PTPRG: variants seen among roughly 807,000 people sequenced by gnomAD.
PTPRG encodes the protein protein tyrosine phosphatase receptor type G.
A neutral mutation model predicts 165.3 loss-of-function variants in PTPRG; 102 were observed. That is an observed-to-expected ratio of 0.62 (90% CI 0.53 to 0.73). PTPRG has a LOEUF of 0.73. PTPRG is among the 30% of genes least tolerant of loss of function. The pLI is 0.00. For missense variants in PTPRG, 1,866 were observed against 1,861.4 expected (o/e 1.00, Z -0.05); for synonymous variants, 675 against 669.5 (o/e 1.01, Z -0.13).
chr3:61,738,821 C>G (rs1053286570), intron 1 of PTPRG, among the ~76,000 whole-genome samples: 2 of 152,102 alleles, frequency 1.3e-5, no homozygotes, highest in African/African-American at 4.8e-5. Context: ...GTTGCCCAGG[C>G]TGGAGTGCAG....
chr3:61,945,108 G>A lies in PTPRG; in HGVS notation c.191-44517G>A, dbSNP rs376046347. 2.4e-4 allele frequency among the ~76,000 whole-genome samples: 37 copies of A among 152,302 alleles called. No individual in the cohort carries two copies. In the South Asian group the frequency reaches 4.8e-3, roughly 20 times the overall value. ...CAGTGGACAGAACAGGGGCAGAGGTGATCAGTGACCATTGCACAGAATATC... is the reference window on the plus strand; with the variant it reads ...CAGTGGACAGAACAGGGGCAGAGGTAATCAGTGACCATTGCACAGAATATC... On this transcript the variant is annotated intron_variant, in intron 2 of 29. Coordinates refer to ENST00000474889, the MANE Select transcript of PTPRG (RefSeq NM_002841.4).
intron 5 of PTPRG, among the ~76,000 whole-genome samples, chr3:62,128,194 A>C (rs1397041833): frequency 6.6e-6 from 1 of 152,150 alleles, no homozygotes; most frequent in Non-Finnish European, 1.5e-5. Context: ...CCAGGAGCGA[A>C]GTTTTGCAAT....
intron 1 of PTPRG, among the ~76,000 whole-genome samples, chr3:61,579,809 A>G (rs1317324626): frequency 2.0e-5 from 3 of 152,160 alleles, no homozygotes; most frequent in African/African-American, 7.2e-5. Flanking sequence ...TGATATCTTC[A>G]TTTTCTGGCA....
intron 1 of PTPRG, among the ~76,000 whole-genome samples, chr3:61,689,714 A>G (rs1477976708): frequency 6.6e-6 from 1 of 152,170 alleles, no homozygotes; most frequent in Non-Finnish European, 1.5e-5. Flanking sequence ...TCTAGTCTTT[A>G]TATTTATTGG....
chr3:61,670,944 G>A (rs1028121438), intron 1 of PTPRG, among the ~76,000 whole-genome samples: 7 of 152,056 alleles, frequency 4.6e-5, no homozygotes, highest in African/African-American at 7.2e-5. Flanking sequence ...CTGCGAAGCC[G>A]GAGCGATCAG....
intron 2 of PTPRG, among the ~76,000 whole-genome samples, chr3:61,840,782 GTTT>G (rs149041037): frequency 0.018 from 2,159 of 120,090 alleles, 62 homozygotes; most frequent in African/African-American, 0.063. Context: ...TTGTTTGTTT[GTTT>G]TTTTTTTTTT....
intron 5 of PTPRG, among the ~76,000 whole-genome samples, chr3:62,085,809 A>G (rs777073830): frequency 7.2e-5 from 11 of 152,122 alleles, no homozygotes; most frequent in Non-Finnish European, 1.3e-4. Context: ...CACTCTGCAT[A>G]TTTCTTAAGC....
intron 1 of PTPRG, among the ~76,000 whole-genome samples, chr3:61,578,149 T>C (rs1700207470): frequency 6.6e-6 from 1 of 152,228 alleles, no homozygotes; most frequent in Non-Finnish European, 1.5e-5. Flanking sequence ...CTGTTGGTGC[T>C]ACATCGTGGG....
At chr3:62,201,578 T>A in intron 11 of PTPRG, 24 bp downstream of exon 11, 5 of 1,606,870 alleles carry the variant, frequency 3.1e-6, no homozygotes, top group Non-Finnish European at 8.5e-7. Context: ...GGGAAATTGC[T>A]TTGTCGTGGC....
At chr3:61,947,406 C>T (rs184546803) in intron 2 of PTPRG, among the ~76,000 whole-genome samples, 10 of 152,140 alleles carry the variant, frequency 6.6e-5, no homozygotes, top group South Asian at 2.1e-4. Flanking sequence ...TGGTTCTGAC[C>T]GGTGCCAGGG....
chr3:61,973,149 T>C (rs1318456768), intron 2 of PTPRG, among the ~76,000 whole-genome samples: 2 of 152,232 alleles, frequency 1.3e-5, no homozygotes, highest in African/African-American at 4.8e-5. Flanking sequence ...GATTACAGCA[T>C]GCTTCATCCT....
At chr3:61,608,926 A>C (rs1036067441) in intron 1 of PTPRG, among the ~76,000 whole-genome samples, 5 of 152,178 alleles carry the variant, frequency 3.3e-5, no homozygotes, top group South Asian at 2.1e-4. Context: ...GTCTGGGCTC[A>C]GTGGGGAAGA....
chr3:62,119,787 ATTTTTTTTTTT>A (rs34842750), intron 5 of PTPRG, among the ~76,000 whole-genome samples: 7 of 111,732 alleles, frequency 6.3e-5, no homozygotes, highest in African/African-American at 1.4e-4. Context: ...CGCCTGGCTA[ATTTTTTTTTTT>A]TTTTTTTTTT....
chr3:61,567,070 C>G (rs1015697941), intron 1 of PTPRG, among the ~76,000 whole-genome samples: 2 of 152,122 alleles, frequency 1.3e-5, no homozygotes, highest in African/African-American at 4.8e-5. Flanking sequence ...GAAATTAGCC[C>G]TTGGTTTGCT....
intron 4 of PTPRG, among the ~76,000 whole-genome samples, chr3:62,033,360 CATT>C (rs1462487227): frequency 7.9e-6 from 1 of 126,452 alleles, no homozygotes; most frequent in African/African-American, 3.3e-5. Context: ...GCTCCCTATA[CATT>C]TTTTTTTTTT....
chr3:61,870,965 C>G (rs2037553839), intron 2 of PTPRG, among the ~76,000 whole-genome samples: 1 of 152,002 alleles, frequency 6.6e-6, no homozygotes, highest in African/African-American at 2.4e-5. Flanking sequence ...ATATTCGAAT[C>G]AGGGGTTTCA....
chr3:62,183,913 C>G (rs1367036010), intron 8 of PTPRG, among the ~76,000 whole-genome samples: 1 of 152,178 alleles, frequency 6.6e-6, no homozygotes, highest in Admixed American at 6.5e-5. Context: ...CCCCTGACAT[C>G]TTTATTAGCA....
At chr3:61,818,792 C>T (rs557800469) in intron 2 of PTPRG, among the ~76,000 whole-genome samples, 2 of 151,320 alleles carry the variant, frequency 1.3e-5, no homozygotes, top group East Asian at 3.9e-4. Context: ...TTAAAAATCA[C>T]AAGAAAAAGT....
intron 2 of PTPRG, among the ~76,000 whole-genome samples, chr3:61,795,902 C>T (rs890143904): frequency 6.6e-6 from 1 of 152,076 alleles, no homozygotes; most frequent in African/African-American, 2.4e-5. Flanking sequence ...GTGGATAGTG[C>T]ATCACTACCT....
Sources: gnomAD v4.1 joint callset for allele counts (sites outside exome capture counted in the v4.1 genomes callset) on GRCh38, gnomAD v4.1.1 for gene constraint, MANE v1.5 for transcripts, NCBI Gene and HGNC (gene_info 2026-07-23, HGNC 2026-07-21) for gene names.